PLXNA2: variants seen among roughly 807,000 people sequenced by gnomAD.
PLXNA2 encodes the protein plexin A2.
A neutral mutation model predicts 193.5 loss-of-function variants in PLXNA2; 91 were observed. That is an observed-to-expected ratio of 0.47 (90% CI 0.40 to 0.56). The LOEUF is 0.56. Among genes scored for constraint, PLXNA2 ranks in the 20% least tolerant of loss-of-function variants. The probability of loss-of-function intolerance (pLI) is 0.00; values close to 1 mark genes in which losing one functional copy is unlikely to be tolerated. For missense variants in PLXNA2, 1,995 were observed against 2,503.2 expected (o/e 0.80, Z 4.33); for synonymous variants, 997 against 1,027.3 (o/e 0.97, Z 0.56).
Position 208,038,502 on chromosome 1 carries a change from G to C in PLXNA2, c.4661-28C>G, listed in dbSNP as rs201766097. The stretch of plus-strand genomic sequence containing the variant: ...GGGTGGAGGGGGTGGTGCAGGGAGC[G>C]GCGTGAGAGGGATGAGGGCTGTGAG... On this transcript the variant is annotated intron_variant, in intron 25 of 31. Transcript: ENST00000367033. This position sits in a 1 kb window ranked among gnomAD's most constrained non-coding sequence, Gnocchi z 4.1. The C allele has an allele frequency of 8.4e-6, 13 of 1,539,454 alleles. No homozygotes were observed. Among genetic ancestry groups the C allele is most frequent in the South Asian group, 7.8e-5 (7 of 89,606 alleles).
intron 17 of PLXNA2, among the ~76,000 whole-genome samples, chr1:208,046,849 G>A (rs915537536): frequency 2.1e-5 from 3 of 144,224 alleles, no homozygotes; most frequent in Non-Finnish European, 4.7e-5. Flanking sequence ...TGTGTAGAGT[G>A]TGGAGCAGGA....
intron 3 of PLXNA2, among the ~76,000 whole-genome samples, chr1:208,168,713 G>T (rs1187856593): frequency 9.1e-6 from 1 of 110,442 alleles, no homozygotes; most frequent in Non-Finnish European, 2.0e-5. Context: ...AGAAGACAAA[G>T]AGTATGCGGG....
intron 3 of PLXNA2, among the ~76,000 whole-genome samples, chr1:208,149,485 AAGTC>A: frequency 6.6e-6 from 1 of 150,624 alleles, no homozygotes; most frequent in South Asian, 2.1e-4. Context: ...TGGTGTGTGT[AAGTC>A]TGTTGTATGA....
rs117987880 is a variant in PLXNA2, at chr1:208,217,776, G to A, written c.147C>T (p.Thr49=). ...CTTGGTGGACGGTCAAGTGGTTGAA[G>A]GTCCAGTCACGATTCTCAGAGTGGA... ...STFHSENRDW[T]FNHLTVHQGT... is the part of the protein sequence containing the mutation. The change falls in exon 2 of 32, where the codon ACC becomes ACT. Residue 49 remains threonine (T), a synonymous_variant. Coordinates refer to ENST00000367033, the MANE Select transcript of PLXNA2 (RefSeq NM_025179.4). This position sits in a 1 kb window ranked among gnomAD's most constrained non-coding sequence, Gnocchi z 4.7. 1,362 of 1,614,170 alleles carry A rather than the reference G, an allele frequency of 8.4e-4. 16 individuals are homozygous for A. The East Asian group carries it at 0.021, about 25-fold the overall frequency.
chr1:208,231,710 G>C (rs1054496510), intron 1 of PLXNA2, among the ~76,000 whole-genome samples: 4 of 152,226 alleles, frequency 2.6e-5, no homozygotes, highest in African/African-American at 4.8e-5. Context: ...GTGAGGTTGA[G>C]AGCAGCATAC....
intron 13 of PLXNA2, among the ~76,000 whole-genome samples, chr1:208,059,880 C>A (rs1295792129): frequency 1.3e-5 from 2 of 152,112 alleles, no homozygotes; most frequent in Non-Finnish European, 2.9e-5. Context: ...TCAGAGGAAA[C>A]AACCTGACCT....
At chr1:208,212,807 C>T (rs1671005932) in intron 2 of PLXNA2, among the ~76,000 whole-genome samples, 1 of 152,170 alleles carries the variant, frequency 6.6e-6, no homozygotes, top group Non-Finnish European at 1.5e-5. Context: ...TCATCTCATC[C>T]CTACACTACA....
At chr1:208,242,301 A>G (rs1402233248) in intron 1 of PLXNA2, among the ~76,000 whole-genome samples, 5 of 152,120 alleles carry the variant, frequency 3.3e-5, no homozygotes, top group Non-Finnish European at 5.9e-5. Context: ...GGGGAGAGCT[A>G]AACCTGACTC....
intron 4 of PLXNA2, among the ~76,000 whole-genome samples, chr1:208,134,040 C>A (rs1442587602): frequency 6.6e-6 from 1 of 152,120 alleles, no homozygotes; most frequent in African/African-American, 2.4e-5. Flanking sequence ...GTCTCCAACC[C>A]CCTTGCCCAT....
intron 9 of PLXNA2, among the ~76,000 whole-genome samples, chr1:208,084,942 C>G (rs562615023): frequency 1.3e-5 from 2 of 152,324 alleles, no homozygotes; most frequent in East Asian, 3.9e-4. Flanking sequence ...TTCCCCAGCT[C>G]CAGATACTCG....
rs1310587727 is a variant in PLXNA2 at position 208,034,503 on chromosome 1, G to A, written c.4854C>T (p.Ile1618=). Reference sequence around the variant, plus strand: ...CCTCGTGGTTCTCACCGTATCTGCTGATGGACGTCCGGGAGATGCTGGCAG... The same window carrying A: ...CCTCGTGGTTCTCACCGTATCTGCTAATGGACGTCCGGGAGATGCTGGCAG... ...PASASISRTS[I]SRYDSSFRYT... Residue 1618 remains isoleucine (I), a synonymous_variant, in exon 27 of 32, where the codon ATC becomes ATT. Coordinates refer to ENST00000367033, the MANE Select transcript of PLXNA2 (RefSeq NM_025179.4). 1 of 1,612,262 alleles carries A rather than the reference G, an allele frequency of 6.2e-7. No homozygotes were observed. Among genetic ancestry groups the A allele is most frequent in the African/African-American group, 1.3e-5 (1 of 74,912 alleles).
intron 3 of PLXNA2, among the ~76,000 whole-genome samples, chr1:208,167,134 T>C (rs575865360): frequency 6.6e-6 from 1 of 152,336 alleles, no homozygotes; most frequent in South Asian, 2.1e-4. Flanking sequence ...ATCTCAGTGC[T>C]GAATTTTAAC....
At chr1:208,165,889 T>G (rs1410179165) in intron 3 of PLXNA2, among the ~76,000 whole-genome samples, 1 of 152,200 alleles carries the variant, frequency 6.6e-6, no homozygotes, top group East Asian at 1.9e-4. Flanking sequence ...ATTGGCAAGC[T>G]GATTCAGTGC....
intron 3 of PLXNA2, among the ~76,000 whole-genome samples, chr1:208,203,379 C>T (rs75816122): frequency 0.017 from 2,514 of 152,272 alleles, 85 homozygotes; most frequent in African/African-American, 0.055. Flanking sequence ...ATTGCTGAGA[C>T]GCCTGGGCGA....
At chr1:208,189,193 C>T (rs1435630050) in intron 3 of PLXNA2, among the ~76,000 whole-genome samples, 2 of 152,166 alleles carry the variant, frequency 1.3e-5, no homozygotes, top group African/African-American at 4.8e-5. Flanking sequence ...GAACCAGCAC[C>T]ACTGCTTAAC....
chr1:208,148,008 A>G (rs562988627), intron 3 of PLXNA2, among the ~76,000 whole-genome samples: 4 of 152,226 alleles, frequency 2.6e-5, no homozygotes, highest in African/African-American at 4.8e-5. Flanking sequence ...TTTAGCGTCC[A>G]GTCCTCCAGT....
At chr1:208,061,579 T>G (rs965624240) in intron 12 of PLXNA2, among the ~76,000 whole-genome samples, 2 of 152,170 alleles carry the variant, frequency 1.3e-5, no homozygotes. Context: ...CTATGACACA[T>G]GCTAGGACAA....
chr1:208,144,156 C>T (rs1668538376), intron 3 of PLXNA2, among the ~76,000 whole-genome samples: 1 of 152,218 alleles, frequency 6.6e-6, no homozygotes, highest in African/African-American at 2.4e-5. Flanking sequence ...TTTCTCCCTA[C>T]ACCACACTGA....
intron 3 of PLXNA2, among the ~76,000 whole-genome samples, chr1:208,174,530 G>A (rs11118999): frequency 0.025 from 3,760 of 152,154 alleles, 158 homozygotes; most frequent in African/African-American, 0.085. Flanking sequence ...GGTGTGCAGG[G>A]AGGGGAAGAA....
Sources: gnomAD v4.1 joint callset for allele counts (sites outside exome capture counted in the v4.1 genomes callset) on GRCh38, gnomAD v4.1.1 for gene constraint, Gnocchi (gnomAD v3.1) non-coding constraint, MANE v1.5 for transcripts, NCBI Gene and HGNC (gene_info 2026-07-23, HGNC 2026-07-21) for gene names.